SGCZ: variants seen among roughly 807,000 people sequenced by gnomAD.
The protein encoded by SGCZ is sarcoglycan zeta.
SGCZ carries 40 observed loss-of-function variants against 41.3 expected under a neutral mutation model. The observed-to-expected ratio is 0.97, with a 90% CI of 0.75 to 1.26. The LOEUF is 1.26. Among genes scored for constraint, SGCZ ranks in the 50% most tolerant of loss-of-function variants. The probability of loss-of-function intolerance (pLI) is 0.00; values close to 1 mark genes in which losing one functional copy is unlikely to be tolerated. For synonymous variants in SGCZ, 206 were observed against 137.5 expected (o/e 1.50, Z -3.49); for missense variants, 552 against 369.8 (o/e 1.49, Z -4.04).
intron 2 of SGCZ, among the ~76,000 whole-genome samples, chr8:14,469,715 G>T (rs1801160740): frequency 6.6e-6 from 1 of 151,802 alleles, no homozygotes; most frequent in South Asian, 2.1e-4. Flanking sequence ...GGAGATATTG[G>T]CTAAAGGTTA....
rs779827769 is a variant in SGCZ, at chr8:14,090,566, G to C, written c.816C>G (p.Ser272Arg). 3.1e-6 allele frequency: 5 copies of C among 1,612,928 alleles called. No individual in the cohort carries two copies. The highest frequency in any genetic ancestry group is 1.7e-5 in the Admixed American group (1 of 59,922). ...ACACTGTCTGTCGAGAACTTGAGGA[G>C]CTGGGTGAAGAAGATGAGAAGGAGC... Reference protein sequence around the residue: ...PTGSFSSSSPSSSSSRQTVYE... With the variant: ...PTGSFSSSSPRSSSSRQTVYE... Residue 272 changes from serine to arginine, a missense_variant, in exon 8 of 8, where the codon AGC becomes AGG. Physicochemically the swap from Ser to Arg is moderately radical, Grantham distance 110. Coordinates refer to ENST00000382080, the MANE Select transcript of SGCZ (RefSeq NM_139167.4).
At chr8:14,101,302 T>C (rs1802012894) in intron 7 of SGCZ, among the ~76,000 whole-genome samples, 1 of 106,030 alleles carries the variant, frequency 9.4e-6, no homozygotes, top group African/African-American at 2.6e-5. Flanking sequence ...GTAAGAGATG[T>C]GGAAGGTGTG....
chr8:15,085,957 T>A (rs1805933209), intron 1 of SGCZ, among the ~76,000 whole-genome samples: 1 of 152,322 alleles, frequency 6.6e-6, no homozygotes, highest in African/African-American at 2.4e-5. Flanking sequence ...TATCTGCTGT[T>A]CCGGAATGGA....
rs529138465 is a variant in SGCZ at position 14,960,838 on chromosome 8, T to G, written c.39+276747A>C. On this transcript the variant is annotated intron_variant, in intron 1 of 7. Transcript: ENST00000382080. ...TTTACACACTCCACAGCTAGTTTAGTTCTGTGAAGACAGAATCATGTGGCC... is the reference window on the plus strand; with the variant it reads ...TTTACACACTCCACAGCTAGTTTAGGTCTGTGAAGACAGAATCATGTGGCC... 2.6e-5 allele frequency among the ~76,000 whole-genome samples: 4 copies of G among 152,138 alleles called. No individual in the cohort carries two copies. In the South Asian group the frequency reaches 8.3e-4, roughly 32 times the overall value.
rs60163575 is a variant in SGCZ, at chr8:15,017,378, C to G, written c.39+220207G>C. ...CTGCACACGTACAGTGAGGCCTGAT[C>G]CACAGTGGACCTTGGTTGAGCTTTC... On this transcript the variant is annotated intron_variant, in intron 1 of 7. Coordinates refer to ENST00000382080, the MANE Select transcript of SGCZ (RefSeq NM_139167.4). Among the ~76,000 whole-genome samples, 419 of 152,284 alleles carry G rather than the reference C, an allele frequency of 2.8e-3. 2 individuals are homozygous for G. The highest frequency in any genetic ancestry group is 9.4e-3 in the African/African-American group (391 of 41,560).
chr8:14,369,571 ATTTAT>A, intron 2 of SGCZ, among the ~76,000 whole-genome samples: 1 of 151,974 alleles, frequency 6.6e-6, no homozygotes, highest in Non-Finnish European at 1.5e-5. Context: ...ATTCATTGTA[ATTTAT>A]AAGTATTTTA....
chr8:14,833,657 G>A (rs185985103), intron 1 of SGCZ, among the ~76,000 whole-genome samples: 89 of 152,262 alleles, frequency 5.8e-4, no homozygotes, highest in African/African-American at 2.0e-3. Context: ...TGCAGATGGG[G>A]ACGAAGGAAG....
At chr8:14,886,019 A>G (rs1281383445) in intron 1 of SGCZ, among the ~76,000 whole-genome samples, 4 of 119,424 alleles carry the variant, frequency 3.3e-5, no homozygotes, top group Admixed American at 1.7e-4. Context: ...ATATATATAT[A>G]TATATATATA....
At chr8:14,376,082 G>A (rs1804110834) in intron 2 of SGCZ, among the ~76,000 whole-genome samples, 1 of 152,174 alleles carries the variant, frequency 6.6e-6, no homozygotes, top group Non-Finnish European at 1.5e-5. Flanking sequence ...GGGAGGCCGA[G>A]GCGGGTGGAT....
chr8:14,269,336 C>T (rs1799982770), intron 3 of SGCZ, among the ~76,000 whole-genome samples: 1 of 152,060 alleles, frequency 6.6e-6, no homozygotes, highest in Non-Finnish European at 1.5e-5. Flanking sequence ...AGAAGCAGTG[C>T]TAATATAAAC....
chr8:15,138,908 T>C (rs996471667), intron 1 of SGCZ, among the ~76,000 whole-genome samples: 4 of 152,082 alleles, frequency 2.6e-5, no homozygotes, highest in African/African-American at 9.7e-5. Context: ...AAAAGCAAAA[T>C]GTAAATCATA....
chr8:14,166,163 C>G (rs924604180), intron 4 of SGCZ, among the ~76,000 whole-genome samples: 5 of 151,990 alleles, frequency 3.3e-5, no homozygotes, highest in Non-Finnish European at 7.4e-5. Flanking sequence ...TAATGTTAAA[C>G]TTTTGGGCTG....
chr8:14,868,847 G>C (rs1585333149), intron 1 of SGCZ, among the ~76,000 whole-genome samples: 1 of 151,984 alleles, frequency 6.6e-6, no homozygotes, highest in African/African-American at 2.4e-5. Context: ...AGAAGAAATG[G>C]ATAAATTCCT....
intron 2 of SGCZ, among the ~76,000 whole-genome samples, chr8:14,386,526 T>C (rs978919609): frequency 1.3e-5 from 2 of 152,280 alleles, no homozygotes; most frequent in Non-Finnish European, 1.5e-5. Context: ...TCTTTCTTTT[T>C]CTCTAATCAT....
In SGCZ at chr8:14,087,990, A is replaced by T. The variant is rs2116942992; in HGVS notation, c.*2453T>A. Among the ~76,000 whole-genome samples, 1 of 151,910 alleles carries T rather than the reference A, an allele frequency of 6.6e-6. No individual in the cohort carries two copies. Among genetic ancestry groups the T allele is most frequent in the East Asian group, 1.9e-4 (1 of 5,138 alleles). On this transcript the variant is annotated 3_prime_UTR_variant, in exon 8 of 8. Transcript: ENST00000382080. Reference sequence around the variant, plus strand: ...CAAGCTTGTAAGTTACTTTTGAATTATGTCTATACTTCTCAGAATGCATTT... The same window carrying T: ...CAAGCTTGTAAGTTACTTTTGAATTTTGTCTATACTTCTCAGAATGCATTT...
Position 14,254,388 on chromosome 8 carries a change from C to A in SGCZ, c.337-16709G>T, listed in dbSNP as rs73519427. On this transcript the variant is annotated intron_variant, in intron 3 of 7. Coordinates refer to ENST00000382080, the MANE Select transcript of SGCZ (RefSeq NM_139167.4). ...GTAAATTTGGGCAAATCAAATGGTG[C>A]CCTGCACTGCTGGCACTGAGGCCTG... Among the ~76,000 whole-genome samples, 1,352 of 152,292 alleles carry A rather than the reference C, an allele frequency of 8.9e-3. 15 individuals carry two copies. Among genetic ancestry groups the A allele is most frequent in the African/African-American group, 0.031 (1,290 of 41,554 alleles).
intron 1 of SGCZ, among the ~76,000 whole-genome samples, chr8:15,225,827 C>G (rs1309593699): frequency 6.6e-6 from 1 of 152,128 alleles, no homozygotes; most frequent in Non-Finnish European, 1.5e-5. Flanking sequence ...CAGGTCTTGC[C>G]TCCTAGAATC....
At chr8:14,698,938 C>T (rs1585191536) in intron 1 of SGCZ, among the ~76,000 whole-genome samples, 1 of 151,734 alleles carries the variant, frequency 6.6e-6, no homozygotes, top group African/African-American at 2.4e-5. Flanking sequence ...ATTCTCACCC[C>T]AACAGAGCCT....
intron 4 of SGCZ, among the ~76,000 whole-genome samples, chr8:14,182,869 G>A (rs1804774353): frequency 6.6e-6 from 1 of 151,938 alleles, no homozygotes; most frequent in Admixed American, 6.6e-5. Flanking sequence ...AATTAGCTGA[G>A]CGGGGAGGCA....
Sources: gnomAD v4.1 joint callset for allele counts (sites outside exome capture counted in the v4.1 genomes callset) on GRCh38, gnomAD v4.1.1 for gene constraint, MANE v1.5 for transcripts, NCBI Gene and HGNC (gene_info 2026-07-23, HGNC 2026-07-21) for gene names.